Variants in FRRS1 observed in about 807,000 individuals in gnomAD.
FRRS1 encodes ferric reductase 1.
Under a neutral mutation model 70.7 loss-of-function variants are expected in FRRS1, and 51 were observed. The ratio of observed to expected loss-of-function variants is 0.72; its 90% CI spans 0.58 to 0.91. FRRS1 has a LOEUF of 0.91. FRRS1 is among the 40% of genes least tolerant of loss of function. FRRS1 has a pLI of 0.00. For missense variants in FRRS1, 672 were observed against 726.0 expected (o/e 0.93, Z 0.86); for synonymous variants, 225 against 238.7 (o/e 0.94, Z 0.53).
chr1:99,717,589 C>A (rs1461723997), intron 10 of FRRS1, 64 bp from the exon 11 acceptor site: 6 of 1,073,046 alleles, frequency 5.6e-6, no homozygotes, highest in Non-Finnish European at 8.7e-6. Context: ...CTTAAATGAC[C>A]AAGCCAAATG....
chr1:99,758,895 G>A (rs1259495060), intron 1 of FRRS1, among the ~76,000 whole-genome samples: 2 of 152,148 alleles, frequency 1.3e-5, no homozygotes, highest in East Asian at 1.9e-4. Context: ...GTCTTATGGG[G>A]TTGAGATAAG....
intron 11 of FRRS1, 152 bp from the exon 12 acceptor site, chr1:99,715,824 G>T: frequency 7.1e-5 from 27 of 377,868 alleles, no homozygotes; most frequent in Middle Eastern, 6.1e-4. Flanking sequence ...GCCAGGTTAA[G>T]AAAAAAAAAA....
At position 99,704,000 on chromosome 1, in the gene FRRS1, A is replaced by G. The variant is rs1210886371; in HGVS notation, c.*5028T>C. On this transcript the variant is annotated 3_prime_UTR_variant, in exon 17 of 17. Coordinates refer to ENST00000646001, the MANE Select transcript of FRRS1 (RefSeq NM_001361041.2). Reference sequence around the variant, plus strand: ...CGTCTGCTTTATTTTATTCAGCATAATGTTTTCAAGATGAATATCAAATAT... The same window carrying G: ...CGTCTGCTTTATTTTATTCAGCATAGTGTTTTCAAGATGAATATCAAATAT... 2.0e-5 allele frequency among the ~76,000 whole-genome samples: 3 copies of G among 152,272 alleles called. No individual in the cohort carries two copies. The highest frequency in any genetic ancestry group is 7.2e-5 in the African/African-American group (3 of 41,544).
rs1301053536 is a variant in FRRS1, at chr1:99,712,097, T to C, written c.1480+8A>G. The C allele has an allele frequency of 6.3e-7, 1 of 1,585,594 alleles. No homozygotes were observed. Among genetic ancestry groups the C allele is most frequent in the Admixed American group, 1.7e-5 (1 of 58,104 alleles). On this transcript the variant is annotated splice_region_variant and intron_variant, in intron 14 of 16. Coordinates refer to ENST00000646001, the MANE Select transcript of FRRS1 (RefSeq NM_001361041.2). ...TATATATGAATAAGTGGCATCACAATCTCTTACCTGCTATTATTCTAGCAG... is the reference window on the plus strand; with the variant it reads ...TATATATGAATAAGTGGCATCACAACCTCTTACCTGCTATTATTCTAGCAG...
chr1:99,712,908 G>T (rs1384363175), intron 12 of FRRS1, among the ~76,000 whole-genome samples: 1 of 151,954 alleles, frequency 6.6e-6, no homozygotes, highest in Non-Finnish European at 1.5e-5. Flanking sequence ...AGTTTTTGCA[G>T]TTTTTTTTCA....
At chr1:99,761,330 A>G (rs1260230453) in intron 1 of FRRS1, among the ~76,000 whole-genome samples, 3 of 151,680 alleles carry the variant, frequency 2.0e-5, no homozygotes, top group Non-Finnish European at 4.4e-5. Flanking sequence ...GTCTGACTAT[A>G]TTACCCAGGC....
chr1:99,747,428 T>C lies in FRRS1; in HGVS notation c.199A>G (p.Thr67Ala), dbSNP rs777596546. 1.9e-6 allele frequency: 3 copies of C among 1,606,678 alleles called. No homozygotes were observed. The highest frequency in any genetic ancestry group is 2.5e-6 in the Non-Finnish European group (3 of 1,178,052). The change falls in exon 4 of 17, where the codon ACT (threonine) becomes GCT (alanine). Residue 67 changes from threonine to alanine, a missense_variant and splice_region_variant. Transcript: ENST00000646001. ...CCTTTAAATGGATGCCCTGACAAAG[T>C]AACTGAGAAAAAGACAAAAGGGTTG... ...TFRPGDQIEV[T>A]LSGHPFKGFL... is the part of the protein sequence containing the mutation.
chr1:99,747,265 T>C (rs764361612), intron 4 of FRRS1, 29 bp downstream of exon 4: 60 of 1,590,668 alleles, frequency 3.8e-5, no homozygotes, highest in Non-Finnish European at 4.8e-5. Flanking sequence ...AACCTCCACA[T>C]TGTTCAAGGA....
intron 10 of FRRS1, 90 bp from the exon 11 acceptor site, chr1:99,717,615 CA>C (rs1033508778): frequency 9.9e-5 from 82 of 832,438 alleles, no homozygotes; most frequent in Non-Finnish European, 1.4e-4. Context: ...AAAATATAAA[CA>C]GCCAGCAAAA....
chr1:99,757,118 C>T (rs72723773), intron 1 of FRRS1, among the ~76,000 whole-genome samples: 54 of 148,122 alleles, frequency 3.6e-4, no homozygotes, highest in Non-Finnish European at 4.8e-4. Flanking sequence ...TTTTAATTTT[C>T]GTTTACTACA....
At chr1:99,716,474 G>GC (rs1654538106) in intron 11 of FRRS1, among the ~76,000 whole-genome samples, 2 of 152,164 alleles carry the variant, frequency 1.3e-5, no homozygotes, top group South Asian at 4.1e-4. Flanking sequence ...GCAAAGGCAC[G>GC]CAAGTGCAAG....
intron 9 of FRRS1, among the ~76,000 whole-genome samples, chr1:99,726,460 T>C (rs1212510492): frequency 6.6e-6 from 1 of 152,240 alleles, no homozygotes; most frequent in Non-Finnish European, 1.5e-5. Context: ...AATTCCTGGC[T>C]CTGCTACTTG....
At chr1:99,720,960 A>C (rs1654789939) in intron 9 of FRRS1, among the ~76,000 whole-genome samples, 1 of 152,216 alleles carries the variant, frequency 6.6e-6, no homozygotes, top group Non-Finnish European at 1.5e-5. Context: ...TCGATTAAAA[A>C]TAAAGGTAGA....
At chr1:99,762,765 C>T (rs1296861819) in intron 1 of FRRS1, among the ~76,000 whole-genome samples, 1 of 152,222 alleles carries the variant, frequency 6.6e-6, no homozygotes, top group Non-Finnish European at 1.5e-5. Context: ...AAACCCCGAA[C>T]TCTCAGGATT....
chr1:99,741,301 T>A (rs1286318525), intron 5 of FRRS1, among the ~76,000 whole-genome samples: 2 of 152,208 alleles, frequency 1.3e-5, no homozygotes, highest in Admixed American at 1.3e-4. Context: ...CCAAAGGGCA[T>A]GTGTAGCAAG....
rs1455567658 is a variant in FRRS1 at position 99,708,858 on chromosome 1, C to A, written c.*170G>T. 7.1e-7 allele frequency: 1 copy of A among 1,410,704 alleles called. No individual in the cohort carries two copies. Among genetic ancestry groups the A allele is most frequent in the African/African-American group, 1.4e-5 (1 of 70,424 alleles). 87.4% of individuals were successfully genotyped at this position (1,410,704 alleles called of 1,614,324 possible). ...ATTAATTTATAGTCTATATGACCCTCTTGAATGTTGTTCTCTAAAGGCTGG... is the reference window on the plus strand; with the variant it reads ...ATTAATTTATAGTCTATATGACCCTATTGAATGTTGTTCTCTAAAGGCTGG... On this transcript the variant is annotated 3_prime_UTR_variant, in exon 17 of 17. Coordinates refer to ENST00000646001, the MANE Select transcript of FRRS1 (RefSeq NM_001361041.2).
Position 99,744,075 on chromosome 1 carries a change from A to AAAG in FRRS1, c.334-1803_334-1802insCTT, listed in dbSNP as rs1553173618. ...TATAAGAACGATTGTAAAAAAAAAA[A>AAAG]AAAGAAAGAAAAGAAAAGAAAATTC... On this transcript the variant is annotated intron_variant, in intron 4 of 16. Transcript: ENST00000646001. 3.5e-3 allele frequency among the ~76,000 whole-genome samples: 520 copies of AAAG among 150,274 alleles called. 4 individuals carry two copies. Among genetic ancestry groups the AAAG allele is most frequent in the African/African-American group, 0.012 (493 of 40,190 alleles).
chr1:99,764,365 T>G (rs1415371688), intron 1 of FRRS1, among the ~76,000 whole-genome samples: 2 of 152,206 alleles, frequency 1.3e-5, no homozygotes, highest in African/African-American at 4.8e-5. Context: ...TTCCTTTCTT[T>G]AATGCCCTTT....
chr1:99,712,753 A>G (rs1260011458), intron 12 of FRRS1, among the ~76,000 whole-genome samples: 2 of 152,178 alleles, frequency 1.3e-5, no homozygotes, highest in East Asian at 1.9e-4. Context: ...CAATATCCCA[A>G]TTTTACAAAT....
Sources: gnomAD v4.1 joint callset for allele counts (sites outside exome capture counted in the v4.1 genomes callset) on GRCh38, gnomAD v4.1.1 for gene constraint, MANE v1.5 for transcripts, NCBI Gene and HGNC (gene_info 2026-07-23, HGNC 2026-07-21) for gene names.